VPS35L: variants seen among roughly 807,000 people sequenced by gnomAD.
VPS35L encodes the protein VPS35 endosomal protein-sorting factor-like.
A neutral mutation model predicts 133.0 loss-of-function variants in VPS35L; 83 were observed. That is an observed-to-expected ratio of 0.62 (90% CI 0.52 to 0.75). The LOEUF (loss-of-function observed/expected upper bound fraction) is 0.75, where lower values mean the gene tolerates loss of function less well. Among genes scored for constraint, VPS35L ranks in the 30% least tolerant of loss-of-function variants. The pLI is 0.00. For synonymous variants in VPS35L, 423 were observed against 449.9 expected (o/e 0.94, Z 0.76); for missense variants, 1,083 against 1,206.8 (o/e 0.90, Z 1.52).
At chr16:19,654,855 TC>T (rs1383491794) in intron 26 of VPS35L, among the ~76,000 whole-genome samples, 1 of 152,188 alleles carries the variant, frequency 6.6e-6, no homozygotes, top group Admixed American at 6.5e-5. Flanking sequence ...TCTTTCTTCT[TC>T]CCATGTTATA....
intron 24 of VPS35L, among the ~76,000 whole-genome samples, chr16:19,648,193 C>T (rs1974012684): frequency 6.6e-6 from 1 of 152,092 alleles, no homozygotes; most frequent in South Asian, 2.1e-4. Context: ...TCAAATTCCT[C>T]ACATCCAGCA....
Position 19,608,970 on chromosome 16 carries a change from GT to G in VPS35L, c.882-3del. Reference sequence around the variant, plus strand: ...ACATCTTCCTTAACAGGATGTTTTTGTAGTTACGTGGAGGCATCCATCCTGA... The same window carrying G: ...ACATCTTCCTTAACAGGATGTTTTTGAGTTACGTGGAGGCATCCATCCTGA... On this transcript the variant is annotated splice_polypyrimidine_tract_variant and splice_region_variant and intron_variant, in intron 10 of 30. Coordinates refer to ENST00000417362, the MANE Select transcript of VPS35L (RefSeq NM_020314.7). The G allele has an allele frequency of 5.6e-6, 9 of 1,613,496 alleles. No homozygotes were observed. Among genetic ancestry groups the G allele is most frequent in the Non-Finnish European group, 7.6e-6 (9 of 1,179,572 alleles).
intron 20 of VPS35L, among the ~76,000 whole-genome samples, chr16:19,638,724 G>T (rs1419583271): frequency 6.6e-6 from 1 of 152,134 alleles, no homozygotes; most frequent in Non-Finnish European, 1.5e-5. Context: ...ATGTGGAGAC[G>T]CTAGACAAAG....
intron 7 of VPS35L, among the ~76,000 whole-genome samples, chr16:19,584,356 G>A (rs1032855630): frequency 6.6e-6 from 1 of 152,072 alleles, no homozygotes; most frequent in African/African-American, 2.4e-5. Context: ...GCTGGGTGTG[G>A]TGGCTCACGC....
At chr16:19,629,983 G>A (rs955005935) in intron 18 of VPS35L, among the ~76,000 whole-genome samples, 163 bp downstream of exon 18, 9 of 152,184 alleles carry the variant, frequency 5.9e-5, no homozygotes, top group Non-Finnish European at 1.2e-4. Flanking sequence ...GCATTAATAT[G>A]TGTACTATAA....
chr16:19,676,057 G>A (rs1339916099), intron 27 of VPS35L, among the ~76,000 whole-genome samples: 1 of 152,088 alleles, frequency 6.6e-6, no homozygotes, highest in African/African-American at 2.4e-5. Context: ...TTCGAGACCA[G>A]CCTGGCAAAT....
At chr16:19,636,645 A>G (rs1973631038) in intron 19 of VPS35L, among the ~76,000 whole-genome samples, 1 of 152,200 alleles carries the variant, frequency 6.6e-6, no homozygotes, top group African/African-American at 2.4e-5. Context: ...AACGTTCTTC[A>G]TGTTCTGTTT....
At chr16:19,606,947 G>A (rs1221988513) in intron 9 of VPS35L, among the ~76,000 whole-genome samples, 4 of 152,134 alleles carry the variant, frequency 2.6e-5, no homozygotes, top group African/African-American at 9.7e-5. Flanking sequence ...ACTGTGCCTG[G>A]CCAGCTTCTC....
At chr16:19,679,390 G>A (rs1260326440) in intron 27 of VPS35L, among the ~76,000 whole-genome samples, 1 of 149,486 alleles carries the variant, frequency 6.7e-6, no homozygotes, top group African/African-American at 2.4e-5. Context: ...GAGACCACAG[G>A]TGCACACCAC....
intron 7 of VPS35L, among the ~76,000 whole-genome samples, chr16:19,586,983 A>G (rs1244044629): frequency 6.6e-6 from 1 of 152,210 alleles, no homozygotes; most frequent in Non-Finnish European, 1.5e-5. Flanking sequence ...ATTGACTCAC[A>G]GTTCTGCAGG....
rs1971490765 is a variant in VPS35L at position 19,575,136 on chromosome 16, G to A, written c.433+14G>A. ...GATCTGAAAAAGGTAAGATGAGTTTGTTGTTGTTTTGATGGGAAAATTCTG... is the reference window on the plus strand; with the variant it reads ...GATCTGAAAAAGGTAAGATGAGTTTATTGTTGTTTTGATGGGAAAATTCTG... On this transcript the variant is annotated intron_variant, in intron 5 of 30. Coordinates refer to ENST00000417362, the MANE Select transcript of VPS35L (RefSeq NM_020314.7). 17 of 1,605,266 alleles carry A rather than the reference G, an allele frequency of 1.1e-5. No individual in the cohort carries two copies. The highest frequency in any genetic ancestry group is 1.4e-5 in the Non-Finnish European group (17 of 1,174,576).
At chr16:19,628,836 G>A (rs1200626580) in intron 17 of VPS35L, 83 bp downstream of exon 17, 2 of 589,540 alleles carry the variant, frequency 3.4e-6, no homozygotes, top group Non-Finnish European at 4.8e-6. Flanking sequence ...CTGTCGCCCA[G>A]GCTAGAGTGC....
intron 28 of VPS35L, among the ~76,000 whole-genome samples, chr16:19,686,911 C>T (rs1363757178): frequency 1.3e-5 from 2 of 152,158 alleles, no homozygotes; most frequent in South Asian, 2.1e-4. Context: ...GTACTGCCCC[C>T]CCTTCCTTGA....
chr16:19,611,220 G>A (rs909484105), intron 12 of VPS35L, among the ~76,000 whole-genome samples: 9 of 152,054 alleles, frequency 5.9e-5, no homozygotes, highest in Admixed American at 4.6e-4. Flanking sequence ...GGCTGGTCTC[G>A]AACTCCTGAC....
chr16:19,612,412 C>G (rs1258969514), intron 12 of VPS35L, among the ~76,000 whole-genome samples: 1 of 152,102 alleles, frequency 6.6e-6, no homozygotes, highest in African/African-American at 2.4e-5. Context: ...TGCCACCATG[C>G]CCAGCTACTT....
At chr16:19,658,036 A>G (rs533853230) in intron 26 of VPS35L, among the ~76,000 whole-genome samples, 2 of 152,284 alleles carry the variant, frequency 1.3e-5, no homozygotes, top group East Asian at 3.9e-4. Context: ...GGGAGTGTCA[A>G]GGCCTGGGAA....
chr16:19,653,085 C>T (rs1974186022), intron 26 of VPS35L, among the ~76,000 whole-genome samples: 1 of 152,214 alleles, frequency 6.6e-6, no homozygotes, highest in Non-Finnish European at 1.5e-5. Context: ...GTTTCTCCAT[C>T]TGAAGGGCAA....
chr16:19,610,284 C>T (rs374300287), intron 11 of VPS35L, 38 bp from the exon 12 acceptor site: 38 of 1,536,272 alleles, frequency 2.5e-5, no homozygotes, highest in South Asian at 1.2e-4. Flanking sequence ...CGAGTTCTCA[C>T]GTCGAATATA....
intron 24 of VPS35L, among the ~76,000 whole-genome samples, chr16:19,650,095 G>A (rs533178125): frequency 1.3e-5 from 2 of 152,278 alleles, no homozygotes; most frequent in African/African-American, 4.8e-5. Flanking sequence ...GTGAGCCCCA[G>A]CTATTCATTA....
Sources: allele counts gnomAD v4.1 joint callset (sites outside exome capture counted in the v4.1 genomes callset), GRCh38; gene constraint gnomAD v4.1.1; transcripts MANE v1.5; gene names NCBI Gene and HGNC (gene_info 2026-07-23, HGNC 2026-07-21).